ADRA1A: variants seen among roughly 807,000 people sequenced by gnomAD.
ADRA1A encodes the protein alpha-1A adrenergic receptor.
ADRA1A carries 31 observed loss-of-function variants against 29.6 expected under a neutral mutation model. That is an observed-to-expected ratio of 1.05 (90% confidence interval 0.79 to 1.41). The LOEUF is 1.41. Ranked by LOEUF, ADRA1A falls within the 40% of genes most tolerant of loss-of-function variation. The pLI is 0.00. For synonymous variants in ADRA1A, 311 were observed against 254.3 expected (o/e 1.22, Z -2.12); for missense variants, 619 against 601.1 (o/e 1.03, Z -0.31).
At chr8:26,846,753 C>G (rs569830865) in intron 2 of ADRA1A, among the ~76,000 whole-genome samples, 5 of 152,278 alleles carry the variant, frequency 3.3e-5, no homozygotes, top group Non-Finnish European at 7.3e-5. Flanking sequence ...GCCTGGGTAA[C>G]AGTGAGACAT....
At chr8:26,770,807 C>CAGTCATAGGAGCTAGTCAGTCAAA in intron 2 of ADRA1A, 141 bp from the exon 3 acceptor site, 1 of 1,227,522 alleles carries the variant, frequency 8.1e-7, no homozygotes, top group Non-Finnish European at 1.1e-6. Flanking sequence ...TCACATTTGA[C>CAGTCATAGGAGCTAGTCAGTCAAA]TGACTAGCTC....
At chr8:26,750,885 C>T (rs569734408) in intron 2 of ADRA1A, among the ~76,000 whole-genome samples, 1 of 152,288 alleles carries the variant, frequency 6.6e-6, no homozygotes, top group South Asian at 2.1e-4. Flanking sequence ...GCCTGACCAA[C>T]ATGGAGAAAC....
intron 2 of ADRA1A, among the ~76,000 whole-genome samples, chr8:26,789,906 A>G (rs1477322065): frequency 6.6e-6 from 1 of 152,210 alleles, no homozygotes; most frequent in Non-Finnish European, 1.5e-5. Context: ...ACAATGAGAT[A>G]TCTTCTTACC....
chr8:26,824,315 A>G (rs1810390038), intron 2 of ADRA1A, among the ~76,000 whole-genome samples: 1 of 151,948 alleles, frequency 6.6e-6, no homozygotes, highest in Non-Finnish European at 1.5e-5. Context: ...CTAATAAAGG[A>G]TGGCAAAGCA....
intron 2 of ADRA1A, among the ~76,000 whole-genome samples, chr8:26,817,496 G>A (rs1180358456): frequency 6.6e-6 from 1 of 152,074 alleles, no homozygotes; most frequent in Admixed American, 6.6e-5. Context: ...TTAAACATAC[G>A]AGCCGGGCAC....
chr8:26,830,072 G>A (rs1035721783), intron 2 of ADRA1A, among the ~76,000 whole-genome samples: 1 of 152,120 alleles, frequency 6.6e-6, no homozygotes, highest in East Asian at 1.9e-4. Flanking sequence ...GGCCTCTAAT[G>A]GACTCCATTC....
At chr8:26,786,360 G>A (rs932047253) in intron 2 of ADRA1A, among the ~76,000 whole-genome samples, 1 of 151,676 alleles carries the variant, frequency 6.6e-6, no homozygotes, top group Non-Finnish European at 1.5e-5. Context: ...TCAGCCTCCC[G>A]AGTAGCTGGG....
chr8:26,788,854 A>G (rs1179965135), intron 2 of ADRA1A, among the ~76,000 whole-genome samples: 5 of 152,172 alleles, frequency 3.3e-5, no homozygotes, highest in African/African-American at 1.2e-4. Flanking sequence ...CCAAATTTTC[A>G]CTGGCAAAAT....
intron 2 of ADRA1A, among the ~76,000 whole-genome samples, chr8:26,834,168 C>T (rs1811186014): frequency 6.6e-6 from 1 of 151,992 alleles, no homozygotes; most frequent in Non-Finnish European, 1.5e-5. Context: ...TATAAAATAC[C>T]AAGGGATACA....
At chr8:26,755,784 C>G (rs1805136342), downstream of ADRA1A, among the ~76,000 whole-genome samples, 1 of 152,130 alleles carries the variant, frequency 6.6e-6, no homozygotes, top group Admixed American at 6.5e-5. Flanking sequence ...GGACTTGGCG[C>G]TGGAGCACAG....
At chr8:26,859,173 A>C in intron 2 of ADRA1A, 2 of 1,289,950 alleles carry the variant, frequency 1.6e-6, no homozygotes, top group Non-Finnish European at 2.0e-6. Flanking sequence ...CCTTTTCTCC[A>C]AAACAGCACG....
chr8:26,780,923 G>A (rs1806937755), intron 2 of ADRA1A, among the ~76,000 whole-genome samples: 1 of 152,202 alleles, frequency 6.6e-6, no homozygotes, highest in Non-Finnish European at 1.5e-5. Flanking sequence ...CTAGTTGCAG[G>A]AAAACAAGCT....
At chr8:26,812,803 T>C (rs1283434019) in intron 2 of ADRA1A, among the ~76,000 whole-genome samples, 5 of 151,960 alleles carry the variant, frequency 3.3e-5, no homozygotes, top group African/African-American at 1.2e-4. Flanking sequence ...TAGCTGGGAT[T>C]ACAGGCGCCC....
rs779325768 is a variant in ADRA1A at position 26,770,496 on chromosome 8, A to G, written c.1054T>C (p.Ser352Pro). Residue 352 changes from serine (S) to proline (P), a missense_variant, in exon 3 of 3, where the codon TCC becomes CCC. Transcript: ENST00000380573. ...AGGGTGTAGCCCAGGGCATGTTTGG[A>G]AGACTGCTTTCTGCAGAGACACTGG... ...RIQCLCRKQS[S>P]KHALGYTLHP... 2 of 1,614,162 alleles carry G rather than the reference A, an allele frequency of 1.2e-6. No individual in the cohort carries two copies. The highest frequency in any genetic ancestry group is 1.7e-5 in the Admixed American group (1 of 60,036).
downstream of ADRA1A, among the ~76,000 whole-genome samples, chr8:26,761,779 C>T (rs1365035386): frequency 3.3e-5 from 5 of 152,198 alleles, no homozygotes; most frequent in Admixed American, 6.5e-5. Context: ...GGAGCATACT[C>T]GTTGGGAGAA....
intron 2 of ADRA1A, among the ~76,000 whole-genome samples, chr8:26,851,973 T>C (rs140682147): frequency 2.0e-4 from 30 of 152,282 alleles, no homozygotes; most frequent in African/African-American, 7.0e-4. Context: ...TAATTATTGA[T>C]TACATATTAA....
intron 2 of ADRA1A, among the ~76,000 whole-genome samples, chr8:26,857,319 T>G (rs1025899524): frequency 6.6e-6 from 1 of 152,056 alleles, no homozygotes; most frequent in African/African-American, 2.4e-5. Context: ...GCCACTACCT[T>G]TTGGGATGGT....
At chr8:26,812,446 G>C (rs1050645200) in intron 2 of ADRA1A, among the ~76,000 whole-genome samples, 1 of 151,906 alleles carries the variant, frequency 6.6e-6, no homozygotes, top group African/African-American at 2.4e-5. Context: ...CTTTCTTAAG[G>C]ATATATGCTT....
At chr8:26,763,984 T>C (rs886998145), downstream of ADRA1A, among the ~76,000 whole-genome samples, 21 of 152,228 alleles carry the variant, frequency 1.4e-4, no homozygotes, top group African/African-American at 4.3e-4. The surrounding 1 kb of genome is among the most constrained non-coding windows in gnomAD (Gnocchi z 4.5). Flanking sequence ...GGGAACATCC[T>C]CCCCCTCCCC....
Sources: gnomAD v4.1 joint callset for allele counts (sites outside exome capture counted in the v4.1 genomes callset) on GRCh38, gnomAD v4.1.1 for gene constraint, Gnocchi (gnomAD v3.1) non-coding constraint, MANE v1.5 for transcripts, NCBI Gene and HGNC (gene_info 2026-07-23, HGNC 2026-07-21) for gene names.